HS3ST5: variants seen among roughly 807,000 people sequenced by gnomAD.
The protein encoded by HS3ST5 is heparan sulfate glucosamine 3-O-sulfotransferase 5.
In HS3ST5, 10 loss-of-function variants were observed where a neutral mutation model predicts 25.4. The observed-to-expected ratio is 0.39, with a 90% CI of 0.24 to 0.67. The LOEUF (loss-of-function observed/expected upper bound fraction) is 0.67. Among genes scored for constraint, HS3ST5 ranks in the 30% least tolerant of loss-of-function variants. The pLI, the probability that HS3ST5 is intolerant of heterozygous loss-of-function variation, is 0.44. For missense variants in HS3ST5, 324 were observed against 420.7 expected (o/e 0.77, Z 2.01); for synonymous variants, 170 against 162.4 (o/e 1.05, Z -0.36).
chr6:114,102,064 G>C (rs1239478803), intron 3 of HS3ST5, among the ~76,000 whole-genome samples: 1 of 152,122 alleles, frequency 6.6e-6, no homozygotes, highest in Non-Finnish European at 1.5e-5. Context: ...TGAAGGATGG[G>C]AGAAGGGTGA....
chr6:114,085,142 TCTA>T (rs1294343688), intron 3 of HS3ST5, among the ~76,000 whole-genome samples: 1 of 152,176 alleles, frequency 6.6e-6, no homozygotes, highest in Non-Finnish European at 1.5e-5. Flanking sequence ...TGTCAAAAAT[TCTA>T]TTATATGAGG....
At chr6:114,092,026 C>A (rs1478857687) in intron 3 of HS3ST5, among the ~76,000 whole-genome samples, 1 of 152,196 alleles carries the variant, frequency 6.6e-6, no homozygotes, top group Non-Finnish European at 1.5e-5. Context: ...ACATCCTAGA[C>A]TTTTATCTCT....
chr6:114,281,560 C>G (rs1372672986), intron 1 of HS3ST5, among the ~76,000 whole-genome samples: 5 of 151,954 alleles, frequency 3.3e-5, no homozygotes, highest in Non-Finnish European at 5.9e-5. Flanking sequence ...CACCACTACA[C>G]TGATGTTAGG....
At chr6:114,189,153 C>G (rs553423145) in intron 2 of HS3ST5, among the ~76,000 whole-genome samples, 1 of 152,132 alleles carries the variant, frequency 6.6e-6, no homozygotes, top group East Asian at 1.9e-4. Context: ...TGAGATATGT[C>G]TACCTTCTGA....
In HS3ST5 at chr6:114,139,163, T is replaced by A. The variant is rs561397208; in HGVS notation, c.-33+29188A>T. Among the ~76,000 whole-genome samples the A allele has an allele frequency of 4.6e-5, 7 of 152,294 alleles. No homozygotes were observed. In the South Asian group the frequency reaches 1.5e-3, roughly 32 times the overall value. On this transcript the variant is annotated intron_variant, in intron 3 of 4. Transcript: ENST00000312719. The stretch of plus-strand genomic sequence containing the variant: ...ATCTTCTCCCCACTCTCCTTTCAGA[T>A]GTGCTTATATTGTTCTCACTGCAGT...
intron 1 of HS3ST5, among the ~76,000 whole-genome samples, chr6:114,284,784 C>T (rs1031989352): frequency 6.6e-6 from 1 of 151,834 alleles, no homozygotes; most frequent in African/African-American, 2.4e-5. Flanking sequence ...ACCACACACA[C>T]TCATATATAT....
intron 2 of HS3ST5, among the ~76,000 whole-genome samples, chr6:114,187,447 T>G (rs1780280677): frequency 6.6e-6 from 1 of 152,034 alleles, no homozygotes; most frequent in Non-Finnish European, 1.5e-5. Flanking sequence ...GTAACTGCAG[T>G]TATGGTGGAA....
intron 1 of HS3ST5, among the ~76,000 whole-genome samples, chr6:114,281,565 G>A (rs2114739389): frequency 6.6e-6 from 1 of 152,112 alleles, no homozygotes; most frequent in Admixed American, 6.5e-5. Flanking sequence ...CTACACTGAT[G>A]TTAGGGATAG....
chr6:114,182,967 T>G (rs943012293), intron 2 of HS3ST5, among the ~76,000 whole-genome samples: 2 of 152,112 alleles, frequency 1.3e-5, no homozygotes, highest in Non-Finnish European at 2.9e-5. Flanking sequence ...GTCCCCTTCT[T>G]GCCTGCCTGC....
chr6:114,116,385 C>T (rs1776529471), intron 3 of HS3ST5, among the ~76,000 whole-genome samples: 1 of 152,028 alleles, frequency 6.6e-6, no homozygotes, highest in Non-Finnish European at 1.5e-5. Context: ...GACCCCAGTT[C>T]TAGTTTGCCT....
chr6:114,153,451 C>A (rs1166225228), intron 3 of HS3ST5, among the ~76,000 whole-genome samples: 1 of 152,118 alleles, frequency 6.6e-6, no homozygotes, highest in Non-Finnish European at 1.5e-5. Flanking sequence ...TCCCACCTAC[C>A]TGCTGAAAAA....
chr6:114,184,652 C>T (rs778709197), intron 2 of HS3ST5, among the ~76,000 whole-genome samples: 13 of 152,182 alleles, frequency 8.5e-5, no homozygotes, highest in Non-Finnish European at 1.8e-4. Flanking sequence ...AAATGAGGGG[C>T]CATTGCCTTG....
chr6:114,166,567 T>C (rs76113545), intron 3 of HS3ST5, among the ~76,000 whole-genome samples: 4,812 of 152,198 alleles, frequency 0.032, 105 homozygotes, highest in Non-Finnish European at 0.05. Context: ...TAAAATGTTA[T>C]TTTTTTATAG....
chr6:114,075,958 T>TA (rs1774101420), intron 3 of HS3ST5, among the ~76,000 whole-genome samples: 1 of 151,990 alleles, frequency 6.6e-6, no homozygotes, highest in Non-Finnish European at 1.5e-5. Flanking sequence ...CTAAGAACAA[T>TA]AACCATAGCA....
intron 1 of HS3ST5, among the ~76,000 whole-genome samples, chr6:114,231,972 A>G (rs1015958385): frequency 1.3e-5 from 2 of 152,194 alleles, no homozygotes; most frequent in Admixed American, 1.3e-4. Flanking sequence ...TGCAGTAGGA[A>G]TACCCTAAAC....
At chr6:114,260,441 C>A (rs575908048) in intron 1 of HS3ST5, among the ~76,000 whole-genome samples, 6 of 152,270 alleles carry the variant, frequency 3.9e-5, no homozygotes, top group Admixed American at 2.6e-4. Flanking sequence ...ACAACTCTTT[C>A]ACTTTGCTCT....
intron 1 of HS3ST5, among the ~76,000 whole-genome samples, chr6:114,294,951 T>C (rs1774751073): frequency 6.6e-6 from 1 of 152,220 alleles, no homozygotes; most frequent in South Asian, 2.1e-4. Flanking sequence ...ATTACAGTTC[T>C]CTTATTGAAT....
chr6:114,238,433 G>A (rs941373614), intron 1 of HS3ST5, among the ~76,000 whole-genome samples: 2 of 152,178 alleles, frequency 1.3e-5, no homozygotes, highest in African/African-American at 4.8e-5. Context: ...TATGTGATAA[G>A]TTAAAAAGAA....
In HS3ST5 at chr6:114,215,060, G is replaced by C. The variant is rs574016922; in HGVS notation, c.-145+13525C>G. Among the ~76,000 whole-genome samples, 622 of 152,200 alleles carry C rather than the reference G, an allele frequency of 4.1e-3. 5 individuals are homozygous for C. Among genetic ancestry groups the C allele is most frequent in the African/African-American group, 0.015 (603 of 41,530 alleles). On this transcript the variant is annotated intron_variant, in intron 2 of 4. Transcript: ENST00000312719. The stretch of plus-strand genomic sequence containing the variant: ...GTGGCTCATGCCTGTAATCCCAGCA[G>C]TTTGGGAGGCCGAGGCGGGCAGATC...
Sources: allele counts gnomAD v4.1 joint callset (sites outside exome capture counted in the v4.1 genomes callset), GRCh38; gene constraint gnomAD v4.1.1; transcripts MANE v1.5; gene names NCBI Gene and HGNC (gene_info 2026-07-23, HGNC 2026-07-21).